Variants in GALNT13 observed in about 807,000 individuals in gnomAD.
The protein encoded by GALNT13 is polypeptide N-acetylgalactosaminyltransferase 13, also known as UDP-GalNAc:polypeptide N-acetylgalactosaminyltransferase 13.
A neutral mutation model predicts 64.2 loss-of-function variants in GALNT13; 28 were observed. The observed-to-expected ratio is 0.44, with a 90% CI of 0.32 to 0.60. The LOEUF (loss-of-function observed/expected upper bound fraction) is 0.60, where lower values mean the gene tolerates loss of function less well. GALNT13 is among the 20% of genes least tolerant of loss of function. The pLI is 0.05. For missense variants in GALNT13, 577 were observed against 669.8 expected, an observed-to-expected ratio of 0.86 and a Z score of 1.53; for synonymous variants, 214 against 224.6, an observed-to-expected ratio of 0.95 and a Z score of 0.42.
At chr2:153,238,117 G>T in the GALNT13 span, among the ~76,000 whole-genome samples, 6 of 151,986 alleles carry the variant, frequency 3.9e-5, no homozygotes, top group Non-Finnish European at 7.4e-5. Context: ...ATACCTGTTT[G>T]CCATTTGCAT....
At chr2:154,279,588 C>T (rs144089348) in intron 8 of GALNT13, among the ~76,000 whole-genome samples, 4 of 152,178 alleles carry the variant, frequency 2.6e-5, no homozygotes, top group South Asian at 2.1e-4. Context: ...TTAAATTTCA[C>T]AAGAATAACA....
the GALNT13 span, among the ~76,000 whole-genome samples, chr2:153,837,986 CGTT>C: frequency 3.4e-4 from 51 of 152,004 alleles, no homozygotes; most frequent in African/African-American, 1.1e-3. Context: ...GGTGACATCT[CGTT>C]GTTTTGATTT....
chr2:154,273,975 A>T (rs919869995), intron 8 of GALNT13, among the ~76,000 whole-genome samples: 2 of 152,104 alleles, frequency 1.3e-5, no homozygotes, highest in South Asian at 4.1e-4. Flanking sequence ...AATATATAAG[A>T]AGGTTTTTTC....
intron 3 of GALNT13, among the ~76,000 whole-genome samples, chr2:154,120,451 T>C (rs1313383214): frequency 6.6e-6 from 1 of 152,132 alleles, no homozygotes; most frequent in Non-Finnish European, 1.5e-5. Flanking sequence ...CTGAGAATAG[T>C]TTTCCTGTTA....
At chr2:153,806,196 A>G in the GALNT13 span, among the ~76,000 whole-genome samples, 1 of 152,128 alleles carries the variant, frequency 6.6e-6, no homozygotes, top group Non-Finnish European at 1.5e-5. Flanking sequence ...TGTTATACCA[A>G]TTGGTAATAA....
intron 3 of GALNT13, among the ~76,000 whole-genome samples, chr2:153,962,269 A>G (rs1458379661): frequency 2.0e-5 from 3 of 152,196 alleles, no homozygotes; most frequent in Non-Finnish European, 2.9e-5. Context: ...TTTTCATAAG[A>G]TCATTGCATA....
chr2:154,153,388 C>G (rs1476128887), intron 4 of GALNT13, among the ~76,000 whole-genome samples: 2 of 152,254 alleles, frequency 1.3e-5, no homozygotes, highest in Middle Eastern at 3.4e-3. Context: ...GGTCAGGGAC[C>G]CACTTGAGGA....
At chr2:153,676,484 AGAG>A in the GALNT13 span, among the ~76,000 whole-genome samples, 14 of 152,308 alleles carry the variant, frequency 9.2e-5, no homozygotes, top group Admixed American at 3.9e-4. Flanking sequence ...AAAAAATTGA[AGAG>A]GAGGAATTCC....
chr2:153,817,193 T>C, the GALNT13 span, among the ~76,000 whole-genome samples: 1 of 152,172 alleles, frequency 6.6e-6, no homozygotes, highest in Non-Finnish European at 1.5e-5. Context: ...TGAGTTTTCA[T>C]GGGATGTTCA....
chr2:153,772,695 T>C, the GALNT13 span, among the ~76,000 whole-genome samples: 2 of 152,262 alleles, frequency 1.3e-5, no homozygotes, highest in Admixed American at 1.3e-4. Flanking sequence ...GGAGCTGTTG[T>C]GATCTCCTGA....
intron 3 of GALNT13, among the ~76,000 whole-genome samples, chr2:154,038,942 C>CA (rs774353198): frequency 1.2e-4 from 18 of 151,772 alleles, no homozygotes; most frequent in African/African-American, 4.1e-4. Context: ...TAAAAATGGA[C>CA]AAAAAAATCT....
Position 153,932,626 on chromosome 2 carries a change from C to CT in GALNT13, c.-104-11750dup, listed in dbSNP as rs34617568. 5.3e-3 allele frequency among the ~76,000 whole-genome samples: 506 copies of CT among 95,618 alleles called. 12 individuals are homozygous for CT. The highest frequency in any genetic ancestry group is 0.017 in the African/African-American group (380 of 22,836). 62.7% of individuals were successfully genotyped at this position (95,618 alleles called of 152,430 possible). On this transcript the variant is annotated intron_variant, in intron 2 of 12. Transcript: ENST00000392825. ...CTTTTTTTTCTTTTTTTCTGTCTTT[C>CT]TTTTTTTTTTTTTTTTTTGAGATGG...
the GALNT13 span, among the ~76,000 whole-genome samples, chr2:153,322,426 A>G: frequency 6.6e-6 from 1 of 152,030 alleles, no homozygotes; most frequent in Admixed American, 6.6e-5. Context: ...ATGGAAACCT[A>G]GATAGATTAC....
At chr2:154,333,308 G>GT (rs1695267500) in intron 9 of GALNT13, among the ~76,000 whole-genome samples, 1 of 151,842 alleles carries the variant, frequency 6.6e-6, no homozygotes, top group African/African-American at 2.4e-5. Context: ...ATACATAAAT[G>GT]TTTTTCTAAG....
chr2:153,226,429 C>A, the GALNT13 span, among the ~76,000 whole-genome samples: 1 of 152,048 alleles, frequency 6.6e-6, no homozygotes, highest in African/African-American at 2.4e-5. Flanking sequence ...ATTTTTTCTC[C>A]ACTTCAGAGT....
chr2:153,246,904 T>C, the GALNT13 span, among the ~76,000 whole-genome samples: 1 of 151,998 alleles, frequency 6.6e-6, no homozygotes, highest in East Asian at 1.9e-4. Context: ...AAGAGACCCA[T>C]CTCACATGCA....
chr2:153,134,659 C>T, the GALNT13 span, among the ~76,000 whole-genome samples: 1 of 152,124 alleles, frequency 6.6e-6, no homozygotes, highest in African/African-American at 2.4e-5. Flanking sequence ...CCCAATCTTT[C>T]TGCTGCCCCT....
chr2:154,443,750 A>T (rs540411841), intron 12 of GALNT13, among the ~76,000 whole-genome samples: 20 of 152,090 alleles, frequency 1.3e-4, no homozygotes, highest in African/African-American at 4.8e-4. Flanking sequence ...AGTTAGAGAT[A>T]CTCCACGCTA....
intron 9 of GALNT13, among the ~76,000 whole-genome samples, chr2:154,336,900 G>C (rs1695473820): frequency 6.6e-6 from 1 of 151,952 alleles, no homozygotes; most frequent in Admixed American, 6.6e-5. Flanking sequence ...ATCCTAATTT[G>C]TTCAGAATAT....
Sources: allele counts gnomAD v4.1 joint callset (sites outside exome capture counted in the v4.1 genomes callset), GRCh38; gene constraint gnomAD v4.1.1; transcripts MANE v1.5; gene names NCBI Gene and HGNC (gene_info 2026-07-23, HGNC 2026-07-21).